The following SERINC1 variants were observed in gnomAD, a reference collection of about 807,000 sequenced individuals.
The protein encoded by SERINC1 is serine incorporator 1.
SERINC1 carries 38 observed loss-of-function variants against 52.9 expected under a neutral mutation model. The observed-to-expected ratio is 0.72, with a 90% confidence interval of 0.55 to 0.94. The LOEUF is 0.94. Ranked by LOEUF, SERINC1 falls within the 40% of genes least tolerant of loss-of-function variation. SERINC1 has a pLI of 0.00. For missense variants in SERINC1, 471 were observed against 533.9 expected, an observed-to-expected ratio of 0.88 and a Z score of 1.16; for synonymous variants, 198 against 183.1, an observed-to-expected ratio of 1.08 and a Z score of -0.66.
intron 1 of SERINC1, among the ~76,000 whole-genome samples, chr6:122,469,560 TTTG>T (rs1284571003): frequency 6.6e-6 from 1 of 151,302 alleles, no homozygotes. Context: ...TTTGTTTTGT[TTTG>T]TTTTGTTTTC....
In SERINC1 at chr6:122,454,233, A is replaced by G. The variant is rs1179489363; in HGVS notation, c.372-3T>C. On this transcript the variant is annotated splice_region_variant and splice_polypyrimidine_tract_variant and intron_variant, in intron 3 of 9. Coordinates refer to ENST00000339697, the MANE Select transcript of SERINC1 (RefSeq NM_020755.4). ...CAGCAAATTTAAAGAACCAAAATCT[A>G]AAACAAAAAGAAATATAATTTTTTA... is the stretch of plus-strand genomic sequence containing the variant. 2 of 1,493,610 alleles carry G rather than the reference A, an allele frequency of 1.3e-6. No individual in the cohort carries two copies. The highest frequency in any genetic ancestry group is 2.5e-5 in the South Asian group (2 of 80,838). 92.5% of individuals were successfully genotyped at this position (1,493,610 alleles called of 1,614,324 possible). A position where few individuals can be genotyped will look rare whatever the true frequency, so the allele number is the denominator to read the frequency against.
In SERINC1 at chr6:122,444,002, A is replaced by T. The variant is rs1173661400; in HGVS notation, c.*1042T>A. The T allele has an allele frequency of 1.3e-5, 2 of 151,760 alleles. No individual in the cohort carries two copies. The highest frequency in any genetic ancestry group is 6.6e-5 in the Admixed American group (1 of 15,208). 9.4% of individuals were successfully genotyped at this position (151,760 alleles called of 1,614,324 possible). The stretch of plus-strand genomic sequence containing the variant: ...CAAAATTTTGCCTCCTTTGATTTTC[A>T]ATATATATATATTTTTTTGTCTTAC... On this transcript the variant is annotated 3_prime_UTR_variant, in exon 10 of 10. Transcript: ENST00000339697.
intron 1 of SERINC1, among the ~76,000 whole-genome samples, chr6:122,467,556 G>A (rs995387713): frequency 1.3e-5 from 2 of 152,118 alleles, no homozygotes; most frequent in African/African-American, 4.8e-5. Flanking sequence ...GCAGTGAGCT[G>A]AGATCGCGCC....
chr6:122,448,106 CAAA>C (rs879702470), intron 7 of SERINC1, among the ~76,000 whole-genome samples: 4 of 65,178 alleles, frequency 6.1e-5, no homozygotes, highest in Admixed American at 1.8e-4. Flanking sequence ...GACTCTGTCT[CAAA>C]AAAAAAAAAA....
intron 7 of SERINC1, among the ~76,000 whole-genome samples, chr6:122,448,626 A>G (rs151324492): frequency 6.6e-6 from 1 of 152,296 alleles, no homozygotes; most frequent in East Asian, 1.9e-4. Context: ...GAGTAATTTA[A>G]TAATGTGAAA....
At chr6:122,463,580 G>A (rs545516426) in intron 1 of SERINC1, among the ~76,000 whole-genome samples, 3 of 152,170 alleles carry the variant, frequency 2.0e-5, no homozygotes, top group Admixed American at 6.5e-5. Flanking sequence ...CATATAGACA[G>A]CAAATAAGCA....
In SERINC1 at chr6:122,453,761, A is replaced by G; in HGVS notation, c.589+9T>C. The G allele has an allele frequency of 6.3e-7, 1 of 1,589,462 alleles. No homozygotes were observed. Among genetic ancestry groups the G allele is most frequent in the Non-Finnish European group, 8.6e-7 (1 of 1,163,802 alleles). Reference sequence around the variant, plus strand: ...ACTATACTGAAGTTGTTCTGCGACGAAAGCTTACCTGCATACCAACATCTC... The same window carrying G: ...ACTATACTGAAGTTGTTCTGCGACGGAAGCTTACCTGCATACCAACATCTC... On this transcript the variant is annotated intron_variant, in intron 5 of 9. Coordinates refer to ENST00000339697, the MANE Select transcript of SERINC1 (RefSeq NM_020755.4).
Position 122,471,680 on chromosome 6 carries a change from G to A in SERINC1, c.39+19C>T, listed in dbSNP as rs201330623. The A allele has an allele frequency of 1.3e-3, 2,032 of 1,614,050 alleles. 6 individuals are homozygous for A. Among genetic ancestry groups the A allele is most frequent in the South Asian group, 1.7e-3 (153 of 91,076 alleles). ...GGTCTCTCACACTAGCACCCCAGAG[G>A]CCGCAAAAAGCACCTTACCCAGCTC... On this transcript the variant is annotated intron_variant, in intron 1 of 9. Transcript: ENST00000339697.
chr6:122,459,941 GACCAGAC>G (rs1248307282), intron 1 of SERINC1, among the ~76,000 whole-genome samples: 6 of 152,192 alleles, frequency 3.9e-5, no homozygotes, highest in Non-Finnish European at 7.3e-5. Context: ...GAGAAACCAT[GACCAGAC>G]TTATCCTCCT....
At chr6:122,467,882 G>C (rs926467194) in intron 1 of SERINC1, among the ~76,000 whole-genome samples, 4 of 152,112 alleles carry the variant, frequency 2.6e-5, no homozygotes, top group African/African-American at 7.2e-5. Flanking sequence ...GAAATCAAGG[G>C]ATGACTGCTA....
At chr6:122,460,731 C>T (rs1775086995) in intron 1 of SERINC1, among the ~76,000 whole-genome samples, 1 of 152,024 alleles carries the variant, frequency 6.6e-6, no homozygotes, top group Non-Finnish European at 1.5e-5. Context: ...AAAATACAAC[C>T]TATAATGAGG....
intron 7 of SERINC1, among the ~76,000 whole-genome samples, chr6:122,448,784 G>A (rs1774853346): frequency 8.8e-6 from 1 of 113,562 alleles, no homozygotes; most frequent in Non-Finnish European, 1.8e-5. Flanking sequence ...ACTGTGCTTT[G>A]CCTATTTTTT....
chr6:122,465,087 T>G (rs892335357), intron 1 of SERINC1, among the ~76,000 whole-genome samples: 5 of 152,178 alleles, frequency 3.3e-5, no homozygotes, highest in African/African-American at 1.2e-4. Context: ...CTAGATCTTT[T>G]GTTCTAGTTC....
At position 122,444,277 on chromosome 6, in the gene SERINC1, G is replaced by A. The variant is rs571877847; in HGVS notation, c.*767C>T. On this transcript the variant is annotated 3_prime_UTR_variant, in exon 10 of 10. Coordinates refer to ENST00000339697, the MANE Select transcript of SERINC1 (RefSeq NM_020755.4). ...GCTGGGATTACAAGGGTGAGCTACC[G>A]TGCTGGCCCAAAACTAACTTTCAAA... 5 of 152,216 alleles carry A rather than the reference G, an allele frequency of 3.3e-5. No individual in the cohort carries two copies. The highest frequency in any genetic ancestry group is 1.9e-4 in the East Asian group (1 of 5,188). 9.4% of individuals were successfully genotyped at this position (152,216 alleles called of 1,614,324 possible). A position where few individuals can be genotyped will look rare whatever the true frequency, so the allele number is the denominator to read the frequency against.
chr6:122,444,936 T>C lies in SERINC1; in HGVS notation c.*108A>G. On this transcript the variant is annotated 3_prime_UTR_variant, in exon 10 of 10. Coordinates refer to ENST00000339697, the MANE Select transcript of SERINC1 (RefSeq NM_020755.4). ...TAAAATCTAATTCATGCCAGAACACTGGAGAAGTTACATGGGAAGCAAAAA... is the reference window on the plus strand; with the variant it reads ...TAAAATCTAATTCATGCCAGAACACCGGAGAAGTTACATGGGAAGCAAAAA... The C allele has an allele frequency of 9.7e-7, 1 of 1,027,122 alleles. No individual in the cohort carries two copies. The allele number at this position is 1,027,122 out of a possible 1,614,324, so 63.6% of individuals were successfully genotyped here.
At chr6:122,452,719 C>T (rs1258293886) in intron 5 of SERINC1, among the ~76,000 whole-genome samples, 1 of 152,132 alleles carries the variant, frequency 6.6e-6, no homozygotes, top group African/African-American at 2.4e-5. Context: ...GCATTCCAGG[C>T]CCTGGGGATA....
chr6:122,452,138 A>G (rs1275899306), intron 5 of SERINC1, 81 bp from the exon 6 acceptor site: 1 of 913,948 alleles, frequency 1.1e-6, no homozygotes, highest in Non-Finnish European at 1.5e-6. Flanking sequence ...TTTATAAACA[A>G]TCTGTCATTT....
chr6:122,460,922 G>T (rs558454156), intron 1 of SERINC1, among the ~76,000 whole-genome samples: 15 of 152,176 alleles, frequency 9.9e-5, no homozygotes, highest in Admixed American at 3.9e-4. Context: ...TACTTCTCCA[G>T]ATGATAAAAT....
At chr6:122,464,254 T>C (rs370905058) in intron 1 of SERINC1, among the ~76,000 whole-genome samples, 5 of 152,168 alleles carry the variant, frequency 3.3e-5, no homozygotes, top group African/African-American at 9.7e-5. Context: ...TTCTACTGTA[T>C]GTAAATTATA....
Sources: allele counts gnomAD v4.1 joint callset (sites outside exome capture counted in the v4.1 genomes callset), GRCh38; gene constraint gnomAD v4.1.1; transcripts MANE v1.5; gene names NCBI Gene and HGNC (gene_info 2026-07-23, HGNC 2026-07-21).